Variants in ST6GAL1 observed in about 807,000 individuals in gnomAD.
The protein encoded by ST6GAL1 is ST6 beta-galactoside alpha-2,6-sialyltransferase 1, also known as beta-galactoside alpha-2,6-sialyltransferase 1.
A neutral mutation model predicts 38.0 loss-of-function variants in ST6GAL1; 20 were observed. That is an observed-to-expected ratio of 0.53 (90% confidence interval 0.37 to 0.77). The LOEUF is 0.77. ST6GAL1 is among the 30% of genes least tolerant of loss of function. ST6GAL1 has a pLI of 0.00. For missense variants in ST6GAL1, 432 were observed against 496.4 expected, an observed-to-expected ratio of 0.87 and a Z score of 1.23; for synonymous variants, 196 against 188.2, an observed-to-expected ratio of 1.04 and a Z score of -0.34.
At chr3:187,063,203 C>T (rs1457096880) in intron 5 of ST6GAL1, among the ~76,000 whole-genome samples, 1 of 152,036 alleles carries the variant, frequency 6.6e-6, no homozygotes, top group Non-Finnish European at 1.5e-5. Flanking sequence ...GATTAGTTAC[C>T]CACAACATGA....
At chr3:187,073,251 G>A (rs1719446945) in intron 6 of ST6GAL1, among the ~76,000 whole-genome samples, 2 of 152,154 alleles carry the variant, frequency 1.3e-5, no homozygotes, top group African/African-American at 4.8e-5. Flanking sequence ...TATTCGTGAT[G>A]AGCATCAGCA....
intron 4 of ST6GAL1, among the ~76,000 whole-genome samples, chr3:187,048,523 C>T (rs1718385791): frequency 1.3e-5 from 2 of 152,126 alleles, no homozygotes; most frequent in African/African-American, 2.4e-5. Context: ...CCCTCAGTGT[C>T]TCTGGCACAC....
intron 1 of ST6GAL1, among the ~76,000 whole-genome samples, chr3:186,945,297 C>T (rs1189150413): frequency 6.7e-6 from 1 of 149,580 alleles, no homozygotes; most frequent in Non-Finnish European, 1.5e-5. Context: ...AAGAGCAAGA[C>T]CCTGTCTCTA....
intron 2 of ST6GAL1, 114 bp downstream of exon 2, chr3:186,964,040 A>T (rs1318050159): frequency 6.6e-6 from 1 of 152,276 alleles, no homozygotes; most frequent in African/African-American, 2.4e-5. Context: ...TTTCTGGTTC[A>T]GTCAAACCAT....
chr3:187,045,338 TAAC>T lies in ST6GAL1; in HGVS notation c.607+2030_607+2032del, dbSNP rs1161093867. 4.6e-5 allele frequency among the ~76,000 whole-genome samples: 7 copies of T among 151,852 alleles called. No homozygotes were observed. In the South Asian group the frequency reaches 6.2e-4, roughly 14 times the overall value. On this transcript the variant is annotated intron_variant, in intron 4 of 7. Transcript: ENST00000169298. ...AGATTTTCTATCAGAGAGAGTGTAA[TAAC>T]ATACTCTGCCTCCAGCAGTCTCACA... is the stretch of plus-strand genomic sequence containing the variant.
intron 2 of ST6GAL1, among the ~76,000 whole-genome samples, chr3:187,022,329 T>A (rs1717348405): frequency 6.6e-6 from 1 of 152,046 alleles, no homozygotes; most frequent in East Asian, 1.9e-4. Flanking sequence ...GAAAGATGGC[T>A]ACAGAGAGTT....
intron 2 of ST6GAL1, among the ~76,000 whole-genome samples, chr3:187,031,145 T>A (rs1717735435): frequency 6.6e-6 from 1 of 152,186 alleles, no homozygotes; most frequent in Admixed American, 6.6e-5. Flanking sequence ...GTTATGCTGA[T>A]CATCTCTGTG....
At position 186,975,898 on chromosome 3, in the gene ST6GAL1, T is replaced by A. The variant is rs2108534560; in HGVS notation, c.-183+11972T>A. Among the ~76,000 whole-genome samples, 2 of 152,258 alleles carry A rather than the reference T, an allele frequency of 1.3e-5. 1 individual carries two copies. Among genetic ancestry groups the A allele is most frequent in the Middle Eastern group, 6.8e-3 (2 of 294 alleles). On this transcript the variant is annotated intron_variant, in intron 2 of 7. Coordinates refer to ENST00000169298, the MANE Select transcript of ST6GAL1 (RefSeq NM_173216.2). ...CTGGCCCTGGGAGGAACTGGGGACCTCGGAGAAAGCATTAGTTTACAACAA... is the reference window on the plus strand; with the variant it reads ...CTGGCCCTGGGAGGAACTGGGGACCACGGAGAAAGCATTAGTTTACAACAA...
At chr3:186,984,740 TTCCCTCCCTCCC>T (rs1163600907) in intron 2 of ST6GAL1, among the ~76,000 whole-genome samples, 2 of 63,874 alleles carry the variant, frequency 3.1e-5, no homozygotes, top group Non-Finnish European at 6.3e-5. Context: ...CCTTCCTTCC[TTCCCTCCCTCCC>T]TCCCTCCCTC....
chr3:187,047,267 T>A (rs966451487), intron 4 of ST6GAL1, among the ~76,000 whole-genome samples: 12 of 149,214 alleles, frequency 8.0e-5, no homozygotes, highest in Non-Finnish European at 1.8e-4. Context: ...TTTTTTTTTT[T>A]AACTCTGATC....
intron 5 of ST6GAL1, among the ~76,000 whole-genome samples, chr3:187,065,994 G>A (rs1719100742): frequency 6.6e-6 from 1 of 152,094 alleles, no homozygotes; most frequent in South Asian, 2.1e-4. Context: ...TTTGCCACCA[G>A]CACTTTAAAT....
chr3:187,010,686 A>G (rs1028857349), intron 2 of ST6GAL1, among the ~76,000 whole-genome samples: 2 of 152,164 alleles, frequency 1.3e-5, no homozygotes, highest in Non-Finnish European at 2.9e-5. Flanking sequence ...AACTTGTGCA[A>G]GCTGACTCCC....
chr3:186,964,859 C>T (rs765212181), intron 2 of ST6GAL1, among the ~76,000 whole-genome samples: 11 of 152,184 alleles, frequency 7.2e-5, no homozygotes, highest in Non-Finnish European at 1.3e-4. Context: ...CAAATCACCT[C>T]CCCTATGCAT....
At chr3:187,037,961 C>T (rs902810685) in intron 2 of ST6GAL1, among the ~76,000 whole-genome samples, 5 of 151,058 alleles carry the variant, frequency 3.3e-5, no homozygotes, top group Admixed American at 6.6e-5. Context: ...TAGTGTTTAC[C>T]GTTTTATAAC....
chr3:186,973,576 G>A (rs1279045200), intron 2 of ST6GAL1, among the ~76,000 whole-genome samples: 1 of 152,196 alleles, frequency 6.6e-6, no homozygotes, highest in Non-Finnish European at 1.5e-5. Context: ...TTTCTAGCCT[G>A]ACAGATCTGA....
intron 5 of ST6GAL1, among the ~76,000 whole-genome samples, chr3:187,055,299 A>G (rs1377442442): frequency 6.7e-6 from 1 of 148,738 alleles, no homozygotes; most frequent in Non-Finnish European, 1.5e-5. Flanking sequence ...TTGTGTCTCT[A>G]TCTCCTTCAG....
At chr3:187,036,061 A>G (rs1023281567) in intron 2 of ST6GAL1, among the ~76,000 whole-genome samples, 5 of 152,334 alleles carry the variant, frequency 3.3e-5, no homozygotes. Context: ...TTGAACAAGC[A>G]AAAAACAAAT....
chr3:187,039,450 A>G (rs1718052170), intron 3 of ST6GAL1, among the ~76,000 whole-genome samples: 1 of 152,204 alleles, frequency 6.6e-6, no homozygotes, highest in Admixed American at 6.5e-5. Flanking sequence ...ATGAAAAGCA[A>G]GCATTACAAA....
chr3:187,011,531 CTT>C (rs1491357831), intron 2 of ST6GAL1, among the ~76,000 whole-genome samples: 5 of 152,084 alleles, frequency 3.3e-5, no homozygotes, highest in Admixed American at 3.3e-4. Context: ...AAAATGGTAG[CTT>C]TTGTTGTCCT....
Sources: allele counts gnomAD v4.1 joint callset (sites outside exome capture counted in the v4.1 genomes callset), GRCh38; gene constraint gnomAD v4.1.1; transcripts MANE v1.5; gene names NCBI Gene and HGNC (gene_info 2026-07-23, HGNC 2026-07-21).